The following PEX19 variants were observed in gnomAD, a reference collection of about 807,000 sequenced individuals.
The protein encoded by PEX19 is 33 kDa housekeeping protein.
Under a neutral mutation model 36.3 loss-of-function variants are expected in PEX19, and 29 were observed. The observed-to-expected ratio is 0.80, with a 90% CI of 0.60 to 1.09. The LOEUF (loss-of-function observed/expected upper bound fraction) is 1.09, where lower values mean the gene tolerates loss of function less well. Among genes scored for constraint, PEX19 ranks in the 50% least tolerant of loss-of-function variants. The pLI, the probability that PEX19 is intolerant of heterozygous loss-of-function variation, is 0.00. For synonymous variants in PEX19, 141 were observed against 135.2 expected, an observed-to-expected ratio of 1.04 and a Z score of -0.30; for missense variants, 396 against 368.1, an observed-to-expected ratio of 1.08 and a Z score of -0.62.
intron 1 of PEX19, among the ~76,000 whole-genome samples, chr1:160,284,510 T>C (rs1171269621): frequency 6.6e-6 from 1 of 152,070 alleles, no homozygotes; most frequent in East Asian, 1.9e-4. Flanking sequence ...ATCCTCAGTT[T>C]CTCAAAATAA....
At chr1:160,284,970 G>A in intron 1 of PEX19, 85 bp downstream of exon 1, 1 of 1,015,460 alleles carries the variant, frequency 9.8e-7, no homozygotes, top group Non-Finnish European at 1.6e-6. Context: ...TCTCCTGCCC[G>A]TCCCTAATAT....
At position 160,278,985 on chromosome 1, in the gene PEX19, A is replaced by G. The variant is rs1340006381; in HGVS notation, c.*566T>C. The G allele has an allele frequency of 1.1e-5, 5 of 454,008 alleles. No homozygotes were observed. Among genetic ancestry groups the G allele is most frequent in the Non-Finnish European group, 1.8e-5 (4 of 226,800 alleles). The allele number at this position is 454,008 out of a possible 1,614,324, so 28.1% of individuals were successfully genotyped here. A position where few individuals can be genotyped will look rare whatever the true frequency, so the allele number is the denominator to read the frequency against. On this transcript the variant is annotated 3_prime_UTR_variant, in exon 8 of 8. Coordinates refer to ENST00000368072, the MANE Select transcript of PEX19 (RefSeq NM_002857.4). Reference sequence around the variant, plus strand: ...ATCCTAAGGCCTCTCTTTCAACTCTATTGTGATTAGATGCAAAAGCCCTTT... The same window carrying G: ...ATCCTAAGGCCTCTCTTTCAACTCTGTTGTGATTAGATGCAAAAGCCCTTT...
At chr1:160,284,166 T>C (rs1472789484) in intron 1 of PEX19, 2 of 471,698 alleles carry the variant, frequency 4.2e-6, no homozygotes, top group Admixed American at 4.7e-5. Context: ...TATCTTCTCT[T>C]ATTCTCCAGT....
At chr1:160,280,658 A>G (rs1484638493) in intron 5 of PEX19, among the ~76,000 whole-genome samples, 1 of 151,930 alleles carries the variant, frequency 6.6e-6, no homozygotes, top group African/African-American at 2.4e-5. Context: ...AGCTGGGTCT[A>G]CAAGTGTGCA....
chr1:160,282,396 C>T (rs1446622879), intron 4 of PEX19, 21 bp downstream of exon 4: 2 of 1,585,674 alleles, frequency 1.3e-6, no homozygotes, highest in African/African-American at 2.7e-5. Context: ...CCCTTGTGGG[C>T]CCCTACTACT....
chr1:160,284,833 T>A (rs1326313263), intron 1 of PEX19, among the ~76,000 whole-genome samples: 2 of 151,942 alleles, frequency 1.3e-5, no homozygotes, highest in Non-Finnish European at 2.9e-5. Flanking sequence ...ACATCCACCA[T>A]CCGGACCACT....
At position 160,279,530 on chromosome 1, in the gene PEX19, G is replaced by A. The variant is rs1203564573; in HGVS notation, c.*21C>T. 6.2e-7 allele frequency: 1 copy of A among 1,602,574 alleles called. No homozygotes were observed. Among genetic ancestry groups the A allele is most frequent in the Non-Finnish European group, 8.6e-7 (1 of 1,169,442 alleles). ...AGATGTTCCCCATAGCTGGGACTCA[G>A]AGAGGAAAACGTGTTGTGTTTCACA... is the stretch of plus-strand genomic sequence containing the variant. On this transcript the variant is annotated 3_prime_UTR_variant, in exon 8 of 8. Coordinates refer to ENST00000368072, the MANE Select transcript of PEX19 (RefSeq NM_002857.4).
At position 160,276,997 on chromosome 1, in the gene PEX19, G is replaced by A; in HGVS notation, c.*2554C>T. ...ACGATTATTTTTGAGCAGCAGAAAA[G>A]GAAGGCTAGAGAAATGCTAGAGATG... is the stretch of plus-strand genomic sequence containing the variant. On this transcript the variant is annotated 3_prime_UTR_variant, in exon 8 of 8. Coordinates refer to ENST00000368072, the MANE Select transcript of PEX19 (RefSeq NM_002857.4). 2.2e-6 allele frequency: 1 copy of A among 454,096 alleles called. No individual in the cohort carries two copies. The highest frequency in any genetic ancestry group is 4.4e-6 in the Non-Finnish European group (1 of 226,798). 28.1% of individuals were successfully genotyped at this position (454,096 alleles called of 1,614,324 possible).
rs372947778 is a variant in PEX19 at position 160,283,154 on chromosome 1, C to T, written c.181-45G>A. The T allele has an allele frequency of 1.4e-5, 23 of 1,603,650 alleles. No individual in the cohort carries two copies. In the African/African-American group the frequency reaches 2.7e-4, roughly 19 times the overall value. The stretch of plus-strand genomic sequence containing the variant: ...GAAATGCGTCTCTTACTTAGGACTA[C>T]ACTGCACCTGGCCTCTGATAGAAGC... On this transcript the variant is annotated intron_variant, in intron 2 of 7. Transcript: ENST00000368072.
chr1:160,282,977 A>G lies in PEX19; in HGVS notation c.313T>C (p.Phe105Leu). ...AEEEPHLVEQ[F>L]QKLSEAAGRV... ...CCTGCAGCCTCTGAGAGCTTTTGGA[A>G]CTGCTCCACCAGGTGGGGTTCTTCC... Residue 105 changes from phenylalanine (F) to leucine (L), a missense_variant, in exon 3 of 8, where the codon TTC becomes CTC. Phe to Leu is a conservative substitution (Grantham distance 22, BLOSUM62 0). Coordinates refer to ENST00000368072, the MANE Select transcript of PEX19 (RefSeq NM_002857.4). 3 of 1,614,174 alleles carry G rather than the reference A, an allele frequency of 1.9e-6. No homozygotes were observed. The highest frequency in any genetic ancestry group is 2.5e-6 in the Non-Finnish European group (3 of 1,180,024).
chr1:160,280,769 G>A (rs765943085), intron 5 of PEX19, among the ~76,000 whole-genome samples: 5 of 152,008 alleles, frequency 3.3e-5, no homozygotes, highest in Non-Finnish European at 5.9e-5. Flanking sequence ...TCTGTCCACC[G>A]TGGCCTCCCA....
rs1217719806 is a variant in PEX19 at position 160,278,400 on chromosome 1, A to C, written c.*1151T>G. On this transcript the variant is annotated 3_prime_UTR_variant, in exon 8 of 8. Transcript: ENST00000368072. ...GGGTGTTGATGGAACCCAGCATTACAATATTGTGTAGAACTAGTCTCCTAA... is the reference window on the plus strand; with the variant it reads ...GGGTGTTGATGGAACCCAGCATTACCATATTGTGTAGAACTAGTCTCCTAA... 1 of 658,290 alleles carries C rather than the reference A, an allele frequency of 1.5e-6. No homozygotes were observed. The highest frequency in any genetic ancestry group is 1.5e-5 in the South Asian group (1 of 66,330). The allele number at this position is 658,290 out of a possible 1,614,324, so 40.8% of individuals were successfully genotyped here. A position where few individuals can be genotyped will look rare whatever the true frequency, so the allele number is the denominator to read the frequency against.
intron 4 of PEX19, 90 bp downstream of exon 4, chr1:160,282,327 G>A: frequency 7.1e-7 from 1 of 1,411,500 alleles, no homozygotes; most frequent in East Asian, 2.3e-5. Context: ...ACAGACTTGG[G>A]ATGATACTCA....
In PEX19 at chr1:160,280,087, G is replaced by T. The variant is rs769748135; in HGVS notation, c.754C>A (p.Leu252Met). Residue 252 changes from leucine to methionine, a missense_variant, in exon 6 of 8, where the codon CTG becomes ATG. By Grantham distance (15) the Leu-to-Met change is conservative. Coordinates refer to ENST00000368072, the MANE Select transcript of PEX19 (RefSeq NM_002857.4). ...GGCCTTACCTGCTGCATAAGATCCA[G>T]CACCATCTCAAAACGAGCCTTTTGA... ...TTQKARFEMV[L>M]DLMQQLQDLG... 3.1e-6 allele frequency: 5 copies of T among 1,613,758 alleles called. No homozygotes were observed. Among genetic ancestry groups the T allele is most frequent in the Non-Finnish European group, 4.2e-6 (5 of 1,179,674 alleles).
Position 160,279,177 on chromosome 1 carries a change from A to T in PEX19, c.*374T>A, listed in dbSNP as rs965831739. 6.5e-6 allele frequency: 3 copies of T among 459,624 alleles called. No individual in the cohort carries two copies. The highest frequency in any genetic ancestry group is 6.0e-5 in the African/African-American group (3 of 50,256). The allele number at this position is 459,624 out of a possible 1,614,324, so 28.5% of individuals were successfully genotyped here. ...CCTCCTCCCCAGATCCAAGAGAGGG[A>T]GTAGAGACAAGGCACAAAGACCCTG... On this transcript the variant is annotated 3_prime_UTR_variant, in exon 8 of 8. Transcript: ENST00000368072.
intron 1 of PEX19, among the ~76,000 whole-genome samples, chr1:160,284,386 G>C (rs898731852): frequency 3.9e-5 from 6 of 152,184 alleles, no homozygotes; most frequent in Non-Finnish European, 7.4e-5. Flanking sequence ...CAGGCCTAGG[G>C]AGAGAGCACT....
At chr1:160,282,352 TGA>T in intron 4 of PEX19, 63 bp downstream of exon 4, 1 of 1,454,418 alleles carries the variant, frequency 6.9e-7, no homozygotes. Flanking sequence ...ATCTGTCTTT[TGA>T]GACTCTGCTG....
At chr1:160,283,269 G>C (rs1379033922) in intron 2 of PEX19, among the ~76,000 whole-genome samples, 160 bp from the exon 3 acceptor site, 2 of 152,164 alleles carry the variant, frequency 1.3e-5, no homozygotes, top group African/African-American at 4.8e-5. Context: ...TAGCAAAAAA[G>C]GTATCTAGTC....
intron 5 of PEX19, among the ~76,000 whole-genome samples, chr1:160,280,820 T>C (rs1243086699): frequency 6.6e-6 from 1 of 152,112 alleles, no homozygotes; most frequent in Non-Finnish European, 1.5e-5. Context: ...CGCTCGGCTA[T>C]TGCACATTTT....
Sources: gnomAD v4.1 joint callset for allele counts (sites outside exome capture counted in the v4.1 genomes callset) on GRCh38, gnomAD v4.1.1 for gene constraint, MANE v1.5 for transcripts, NCBI Gene and HGNC (gene_info 2026-07-23, HGNC 2026-07-21) for gene names.